SESN1: variants seen among roughly 807,000 people sequenced by gnomAD.
SESN1 encodes sestrin 1, also known as sestrin-1.
Under a neutral mutation model 59.3 loss-of-function variants are expected in SESN1, and 30 were observed. That is an observed-to-expected ratio of 0.51 (90% CI 0.38 to 0.69). The LOEUF (loss-of-function observed/expected upper bound fraction) is 0.69, where lower values mean the gene tolerates loss of function less well. Among genes scored for constraint, SESN1 ranks in the 30% least tolerant of loss-of-function variants. The pLI is 0.00. For missense variants in SESN1, 566 were observed against 673.0 expected, an observed-to-expected ratio of 0.84 and a Z score of 1.76; for synonymous variants, 197 against 219.9, an observed-to-expected ratio of 0.90 and a Z score of 0.92.
intron 1 of SESN1, among the ~76,000 whole-genome samples, chr6:109,088,490 G>A (rs1027497483): frequency 6.6e-6 from 1 of 151,736 alleles, no homozygotes; most frequent in Non-Finnish European, 1.5e-5. Context: ...AGGTGGGGGG[G>A]TAATAATCAC....
chr6:109,040,844 G>T (rs1780328655), intron 1 of SESN1, among the ~76,000 whole-genome samples: 1 of 151,688 alleles, frequency 6.6e-6, no homozygotes, highest in Non-Finnish European at 1.5e-5. Context: ...AGTAGAGACG[G>T]GGTTTCACCG....
At chr6:109,030,197 G>C (rs552499772) in intron 1 of SESN1, among the ~76,000 whole-genome samples, 6 of 152,258 alleles carry the variant, frequency 3.9e-5, no homozygotes, top group African/African-American at 1.4e-4. Flanking sequence ...CAGCACTTTA[G>C]TACATAACAA....
intron 1 of SESN1, among the ~76,000 whole-genome samples, chr6:109,083,195 T>C (rs952435832): frequency 1.1e-4 from 16 of 152,138 alleles, no homozygotes; most frequent in African/African-American, 3.9e-4. Context: ...ACTGAGACTG[T>C]AGAGGTTAAT....
In SESN1 at chr6:109,094,489, G is replaced by A. The variant is rs1164019362; in HGVS notation, c.-416C>T. 1 of 161,904 alleles carries A rather than the reference G, an allele frequency of 6.2e-6. No individual in the cohort carries two copies. The highest frequency in any genetic ancestry group is 2.4e-5 in the African/African-American group (1 of 41,640). The allele number at this position is 161,904 out of a possible 1,614,324, so 10.0% of individuals were successfully genotyped here. A position where few individuals can be genotyped will look rare whatever the true frequency, so the allele number is the denominator to read the frequency against. On this transcript the variant is annotated 5_prime_UTR_variant, in exon 1 of 10. Transcript: ENST00000436639. ...CCAGCCATTCGGGGCTTTTTTGTCT[G>A]TGCAGCCACCGGGTTCTCTCCGGCG...
At chr6:108,989,380 A>G (rs889246744) in intron 8 of SESN1, among the ~76,000 whole-genome samples, 2 of 151,748 alleles carry the variant, frequency 1.3e-5, no homozygotes, top group Middle Eastern at 3.2e-3. Flanking sequence ...TGGTACTAGT[A>G]CTTTCTCTCT....
intron 1 of SESN1, among the ~76,000 whole-genome samples, chr6:109,069,372 T>A (rs190707954): frequency 6.6e-6 from 1 of 151,972 alleles, no homozygotes; most frequent in Non-Finnish European, 1.5e-5. Flanking sequence ...GAGACTGGCA[T>A]AAGACTTCTC....
intron 1 of SESN1, among the ~76,000 whole-genome samples, chr6:109,016,766 C>T (rs907164047): frequency 6.6e-6 from 1 of 152,026 alleles, no homozygotes; most frequent in African/African-American, 2.4e-5. Flanking sequence ...AGATATAATA[C>T]CACTTAAAAA....
chr6:109,018,754 G>C (rs1006559210), intron 1 of SESN1, among the ~76,000 whole-genome samples: 1 of 152,110 alleles, frequency 6.6e-6, no homozygotes, highest in African/African-American at 2.4e-5. Flanking sequence ...AGAATGCAAG[G>C]TGAACTATTT....
chr6:109,043,031 C>G (rs955658414), intron 1 of SESN1, among the ~76,000 whole-genome samples: 1 of 152,072 alleles, frequency 6.6e-6, no homozygotes, highest in African/African-American at 2.4e-5. Context: ...GAATGCATGG[C>G]TGGTTCAACA....
intron 1 of SESN1, among the ~76,000 whole-genome samples, chr6:109,067,923 T>C (rs1780862724): frequency 1.3e-5 from 2 of 152,220 alleles, no homozygotes; most frequent in African/African-American, 4.8e-5. Context: ...TGGTTTATGA[T>C]AGAGAGGCAC....
chr6:108,990,292 G>A (rs1323343270), intron 8 of SESN1, among the ~76,000 whole-genome samples: 1 of 152,174 alleles, frequency 6.6e-6, no homozygotes, highest in Non-Finnish European at 1.5e-5. Flanking sequence ...TTTCCAAGGA[G>A]GTAGAAACAT....
chr6:108,990,339 A>C (rs1779345698), intron 8 of SESN1, among the ~76,000 whole-genome samples: 1 of 152,232 alleles, frequency 6.6e-6, no homozygotes, highest in Admixed American at 6.5e-5. Context: ...AAGAGAAAAG[A>C]TACTAAAGGT....
chr6:109,012,293 A>G (rs1257132456), intron 1 of SESN1, among the ~76,000 whole-genome samples: 1 of 146,360 alleles, frequency 6.8e-6, no homozygotes, highest in East Asian at 2.0e-4. Flanking sequence ...CCCAGGCTGG[A>G]GTGCAGTGGT....
Position 109,093,905 on chromosome 6 carries a change from C to T in SESN1, c.169G>A (p.Glu57Lys), listed in dbSNP as rs1174580743. Residue 57 changes from glutamate to lysine, a missense_variant, in exon 1 of 10, where the codon GAG becomes AAG. Transcript: ENST00000436639. ...HRPSDGLSNT[E>K]SSDGLNKLLA... Reference sequence around the variant, plus strand: ...AGCTTATTCAACCCATCCGAAGACTCGGTATTTGAAAGCCCGTCTGATGGA... The same window carrying T: ...AGCTTATTCAACCCATCCGAAGACTTGGTATTTGAAAGCCCGTCTGATGGA... 4 of 1,614,200 alleles carry T rather than the reference C, an allele frequency of 2.5e-6. No homozygotes were observed. The highest frequency in any genetic ancestry group is 3.4e-6 in the Non-Finnish European group (4 of 1,180,038).
Position 109,000,615 on chromosome 6 carries a change from T to C in SESN1, c.605A>G (p.His202Arg), listed in dbSNP as rs374094607. 27 of 1,611,766 alleles carry C rather than the reference T, an allele frequency of 1.7e-5. No homozygotes were observed. The highest frequency in any genetic ancestry group is 1.1e-4 in the African/African-American group (8 of 74,860). The change falls in exon 4 of 10, where the codon CAT becomes CGT. Residue 202 changes from histidine to arginine, a missense_variant. Coordinates refer to ENST00000436639, the MANE Select transcript of SESN1 (RefSeq NM_014454.3). ...LVNLHVNDFL[H>R]VGGDPKWLNG... is the part of the protein sequence containing the mutation. The stretch of plus-strand genomic sequence containing the variant: ...GAGCCACTTGGGGTCCCCACCAACA[T>C]GAAGGAAATCATTTACATGCAGGTT...
intron 1 of SESN1, among the ~76,000 whole-genome samples, chr6:109,044,542 AT>A (rs576059960): frequency 1.3e-4 from 20 of 152,134 alleles, no homozygotes; most frequent in African/African-American, 2.6e-4. Context: ...ACTAAAAAAC[AT>A]CTAGAAGAAA....
chr6:109,085,515 T>TCACACACACACA lies in SESN1; in HGVS notation c.279+8268_279+8279dup, dbSNP rs59793015. ...GCCTAGGTGACAGAGTGACACTCCGTCACACACACACACACACACACACAC... is the reference window on the plus strand; with the variant it reads ...GCCTAGGTGACAGAGTGACACTCCGTCACACACACACACACACACACACACACACACACACAC... On this transcript the variant is annotated intron_variant, in intron 1 of 9. Coordinates refer to ENST00000436639, the MANE Select transcript of SESN1 (RefSeq NM_014454.3). Among the ~76,000 whole-genome samples, 784 of 148,508 alleles carry TCACACACACACA rather than the reference T, an allele frequency of 5.3e-3. 9 individuals are homozygous for TCACACACACACA. Among genetic ancestry groups the TCACACACACACA allele is most frequent in the African/African-American group, 0.019 (754 of 40,426 alleles).
At chr6:109,011,912 A>G (rs1210908875) in intron 1 of SESN1, among the ~76,000 whole-genome samples, 1 of 152,156 alleles carries the variant, frequency 6.6e-6, no homozygotes, top group Non-Finnish European at 1.5e-5. Flanking sequence ...TACAGGTGTG[A>G]GCCACCACAC....
At chr6:109,038,513 AAC>A (rs1378565584) in intron 1 of SESN1, among the ~76,000 whole-genome samples, 1 of 152,192 alleles carries the variant, frequency 6.6e-6, no homozygotes, top group East Asian at 1.9e-4. Context: ...AACAAAAAAC[AAC>A]ACAAGTCTTT....
Sources: gnomAD v4.1 joint callset for allele counts (sites outside exome capture counted in the v4.1 genomes callset) on GRCh38, gnomAD v4.1.1 for gene constraint, MANE v1.5 for transcripts, NCBI Gene and HGNC (gene_info 2026-07-23, HGNC 2026-07-21) for gene names.